The following ABI3BP variants were observed in gnomAD, a reference collection of about 807,000 sequenced individuals.
ABI3BP encodes ABI family member 3 binding protein, also known as target of Nesh-SH3.
ABI3BP carries 216 observed loss-of-function variants against 268.6 expected under a neutral mutation model. The ratio of observed to expected loss-of-function variants is 0.80; its 90% CI spans 0.72 to 0.90. ABI3BP has a LOEUF of 0.90. Among genes scored for constraint, ABI3BP ranks in the 40% least tolerant of loss-of-function variants. The probability of loss-of-function intolerance (pLI) is 0.00; values close to 1 mark genes in which losing one functional copy is unlikely to be tolerated. For synonymous variants in ABI3BP, 730 were observed against 730.0 expected (o/e 1.00, Z 0.00); for missense variants, 2,090 against 2,182.4 (o/e 0.96, Z 0.84).
chr3:100,761,349 A>G (rs2095934919), intron 63 of ABI3BP, among the ~76,000 whole-genome samples: 1 of 152,144 alleles, frequency 6.6e-6, no homozygotes, highest in Admixed American at 6.5e-5. Flanking sequence ...CCCACAAATG[A>G]CACCCCCTTC....
chr3:100,804,364 A>C (rs1324231650), intron 51 of ABI3BP, among the ~76,000 whole-genome samples: 1 of 152,210 alleles, frequency 6.6e-6, no homozygotes, highest in Non-Finnish European at 1.5e-5. Context: ...GAAAAAACTC[A>C]ATGTGGACAT....
intron 2 of ABI3BP, among the ~76,000 whole-genome samples, chr3:100,903,314 G>A (rs560614180): frequency 6.6e-6 from 1 of 152,226 alleles, no homozygotes; most frequent in East Asian, 1.9e-4. Flanking sequence ...GGATATTTAA[G>A]TTTTAAATAA....
In ABI3BP at chr3:100,780,120, G is replaced by A; in HGVS notation, c.4240+12C>T. The A allele has an allele frequency of 6.2e-7, 1 of 1,611,938 alleles. No homozygotes were observed. The highest frequency in any genetic ancestry group is 1.3e-5 in the African/African-American group (1 of 74,960). ...GCTGAGCTGTCATAAAAGTCAGCAT[G>A]TTATTACTTACCTGGCTTTTTAGTG... is the stretch of plus-strand genomic sequence containing the variant. On this transcript the variant is annotated intron_variant, in intron 58 of 67. Coordinates refer to ENST00000471714, the MANE Select transcript of ABI3BP (RefSeq NM_001375547.2).
intron 3 of ABI3BP, among the ~76,000 whole-genome samples, chr3:100,901,394 T>C (rs1467558912): frequency 6.6e-6 from 1 of 152,150 alleles, no homozygotes; most frequent in African/African-American, 2.4e-5. Context: ...AAGATCCTTT[T>C]ATCGTGTGGT....
At chr3:100,870,871 G>A (rs1279224791) in intron 9 of ABI3BP, among the ~76,000 whole-genome samples, 1 of 152,136 alleles carries the variant, frequency 6.6e-6, no homozygotes, top group Admixed American at 6.5e-5. Flanking sequence ...AAAAAAGGAG[G>A]TCCTGCCATT....
At chr3:100,926,636 A>C (rs1583639996) in intron 1 of ABI3BP, among the ~76,000 whole-genome samples, 155 bp from the exon 2 acceptor site, 1 of 152,274 alleles carries the variant, frequency 6.6e-6, no homozygotes, top group Non-Finnish European at 1.5e-5. Context: ...CAAACGCCCA[A>C]AATGAAGCTA....
At chr3:100,823,022 T>A (rs1251009080) in intron 37 of ABI3BP, among the ~76,000 whole-genome samples, 2 of 152,160 alleles carry the variant, frequency 1.3e-5, no homozygotes, top group Non-Finnish European at 2.9e-5. Context: ...TTGGCACATA[T>A]TCTATAGAGC....
At chr3:100,968,085 A>T (rs1157334170) in intron 1 of ABI3BP, among the ~76,000 whole-genome samples, 4 of 152,204 alleles carry the variant, frequency 2.6e-5, no homozygotes, top group Non-Finnish European at 5.9e-5. Context: ...GAGCCTGGGG[A>T]GTTCTAATAG....
chr3:100,841,514 C>T (rs1260182871), intron 21 of ABI3BP, among the ~76,000 whole-genome samples: 2 of 152,032 alleles, frequency 1.3e-5, no homozygotes, highest in African/African-American at 4.8e-5. Flanking sequence ...TCATGGGTGT[C>T]TCAGAACCAC....
At chr3:100,970,038 T>C (rs1260658791) in intron 1 of ABI3BP, among the ~76,000 whole-genome samples, 2 of 152,138 alleles carry the variant, frequency 1.3e-5, no homozygotes, top group Non-Finnish European at 2.9e-5. Context: ...TAGGTACAGG[T>C]CTAGCCTAAC....
At chr3:100,985,570 G>GT (rs71132541) in intron 1 of ABI3BP, among the ~76,000 whole-genome samples, 32,909 of 151,866 alleles carry the variant, frequency 0.22, 3,726 homozygotes, top group East Asian at 0.44. Flanking sequence ...GGATAAAAGC[G>GT]TTTTTTCTAT....
intron 4 of ABI3BP, among the ~76,000 whole-genome samples, chr3:100,893,924 A>G (rs2045954576): frequency 6.6e-6 from 1 of 152,142 alleles, no homozygotes; most frequent in Non-Finnish European, 1.5e-5. Flanking sequence ...AAAGAAGAGA[A>G]GAGAGGTAAA....
chr3:100,848,961 A>G, intron 17 of ABI3BP, 86 bp from the exon 18 acceptor site: 3 of 1,046,506 alleles, frequency 2.9e-6, no homozygotes, highest in Non-Finnish European at 4.4e-6. Context: ...AACTCCAAGT[A>G]CAAGAACTGC....
chr3:100,788,483 T>G (rs1158031109), intron 56 of ABI3BP, among the ~76,000 whole-genome samples: 1 of 152,126 alleles, frequency 6.6e-6, no homozygotes, highest in Non-Finnish European at 1.5e-5. Context: ...AGTTCCTCTG[T>G]GTGCCTCAGC....
intron 55 of ABI3BP, among the ~76,000 whole-genome samples, chr3:100,790,491 T>C (rs1036939590): frequency 6.6e-6 from 1 of 152,036 alleles, no homozygotes; most frequent in Non-Finnish European, 1.5e-5. Context: ...ATGCCTTGCC[T>C]ACTAAGTTAA....
chr3:100,827,233 A>C (rs1231115963), intron 34 of ABI3BP, among the ~76,000 whole-genome samples: 1 of 152,170 alleles, frequency 6.6e-6, no homozygotes, highest in Non-Finnish European at 1.5e-5. Context: ...TTTGTGTTCA[A>C]CTAGCCTGCA....
chr3:100,956,332 C>A (rs1196899883), intron 1 of ABI3BP, among the ~76,000 whole-genome samples: 1 of 151,600 alleles, frequency 6.6e-6, no homozygotes, highest in Non-Finnish European at 1.5e-5. Context: ...TTATTCTGAG[C>A]ACATGAAAAT....
intron 44 of ABI3BP, 133 bp downstream of exon 44, chr3:100,815,775 GCTGA>G (rs1214429688): frequency 1.2e-5 from 7 of 587,582 alleles, no homozygotes; most frequent in African/African-American, 9.5e-5. Flanking sequence ...AATTAAAACT[GCTGA>G]CTATTTTAAA....
At chr3:100,751,733 T>G in intron 66 of ABI3BP, 59 bp from the exon 67 acceptor site, 1 of 1,473,522 alleles carries the variant, frequency 6.8e-7, no homozygotes, top group Non-Finnish European at 9.1e-7. Context: ...ATGTGACAAT[T>G]TTGAAATCAT....
Sources: allele counts gnomAD v4.1 joint callset (sites outside exome capture counted in the v4.1 genomes callset), GRCh38; gene constraint gnomAD v4.1.1; transcripts MANE v1.5; gene names NCBI Gene and HGNC (gene_info 2026-07-23, HGNC 2026-07-21).